Variants in ZDHHC14 observed in about 807,000 individuals in gnomAD.
ZDHHC14 encodes palmitoyltransferase ZDHHC14.
A neutral mutation model predicts 47.7 loss-of-function variants in ZDHHC14; 16 were observed. That is an observed-to-expected ratio of 0.34 (90% CI 0.23 to 0.51). The LOEUF is 0.51. Among genes scored for constraint, ZDHHC14 ranks in the 20% least tolerant of loss-of-function variants. The probability of loss-of-function intolerance (pLI) is 0.97; values close to 1 mark genes in which losing one functional copy is unlikely to be tolerated. For missense variants in ZDHHC14, 515 were observed against 662.5 expected (o/e 0.78, Z 2.44); for synonymous variants, 293 against 278.9 (o/e 1.05, Z -0.50).
intron 2 of ZDHHC14, among the ~76,000 whole-genome samples, chr6:157,564,163 A>C (rs1782815878): frequency 6.6e-6 from 1 of 152,190 alleles, no homozygotes; most frequent in East Asian, 1.9e-4. Flanking sequence ...CCAACCTCAC[A>C]TTCTTCAGTT....
chr6:157,650,596 G>A lies in ZDHHC14; in HGVS notation c.966-2929G>A, dbSNP rs111376122. Among the ~76,000 whole-genome samples, 169 of 151,232 alleles carry A rather than the reference G, an allele frequency of 1.1e-3. 1 individual carries two copies. The highest frequency in any genetic ancestry group is 3.9e-3 in the African/African-American group (160 of 41,132). ...CTTTTGATGACCTAGTTCTTTTTCC[G>A]CTCCTGGATAAAATCCCCTGCAAGC... On this transcript the variant is annotated intron_variant, in intron 7 of 8. Transcript: ENST00000359775.
intron 1 of ZDHHC14, among the ~76,000 whole-genome samples, chr6:157,487,739 T>C (rs1779816398): frequency 6.6e-6 from 1 of 152,180 alleles, no homozygotes; most frequent in African/African-American, 2.4e-5. Context: ...TTTAGTACTA[T>C]TATTATTAGG....
At chr6:157,563,793 G>A (rs1396090773) in intron 2 of ZDHHC14, among the ~76,000 whole-genome samples, 1 of 152,224 alleles carries the variant, frequency 6.6e-6, no homozygotes, top group Non-Finnish European at 1.5e-5. Flanking sequence ...TGAGGCTGTG[G>A]GGCTGCGGTG....
intron 1 of ZDHHC14, among the ~76,000 whole-genome samples, chr6:157,518,522 A>G (rs143256060): frequency 0.011 from 1,674 of 152,310 alleles, 18 homozygotes; most frequent in Non-Finnish European, 0.018. Flanking sequence ...GTAGAAGACC[A>G]GGGAGTGAAT....
At chr6:157,626,422 G>A (rs1307365023) in intron 3 of ZDHHC14, among the ~76,000 whole-genome samples, 1 of 152,126 alleles carries the variant, frequency 6.6e-6, no homozygotes, top group African/African-American at 2.4e-5. Context: ...TGTGCACGTT[G>A]ACACATAGAT....
chr6:157,572,234 C>A (rs1783126040), intron 2 of ZDHHC14, among the ~76,000 whole-genome samples: 1 of 152,046 alleles, frequency 6.6e-6, no homozygotes, highest in East Asian at 1.9e-4. Flanking sequence ...CTGGCCACCA[C>A]CCACTAGGTC....
chr6:157,558,468 C>T (rs1387239853), intron 2 of ZDHHC14, among the ~76,000 whole-genome samples: 1 of 152,188 alleles, frequency 6.6e-6, no homozygotes, highest in Non-Finnish European at 1.5e-5. Flanking sequence ...TGACACCCAG[C>T]TGTTACCAAG....
At chr6:157,422,292 T>G (rs1230609288) in intron 1 of ZDHHC14, among the ~76,000 whole-genome samples, 1 of 152,200 alleles carries the variant, frequency 6.6e-6, no homozygotes, top group East Asian at 1.9e-4. Context: ...GTGCAAGGGT[T>G]GCTGTCAGAG....
chr6:157,395,473 C>T (rs1777502749), intron 1 of ZDHHC14, among the ~76,000 whole-genome samples: 1 of 151,868 alleles, frequency 6.6e-6, no homozygotes, highest in African/African-American at 2.4e-5. Flanking sequence ...GCCTTTCCGT[C>T]TCTATTGTTC....
intron 1 of ZDHHC14, among the ~76,000 whole-genome samples, chr6:157,514,400 G>C (rs1050584071): frequency 3.3e-5 from 5 of 152,216 alleles, no homozygotes; most frequent in Non-Finnish European, 5.9e-5. Flanking sequence ...GCTGTGCAAA[G>C]AGCAAAACTT....
chr6:157,382,939 A>T (rs566919043), intron 1 of ZDHHC14, among the ~76,000 whole-genome samples: 1 of 152,330 alleles, frequency 6.6e-6, no homozygotes, highest in African/African-American at 2.4e-5. Flanking sequence ...CAAAACAAAC[A>T]ATTTGGGAAC....
chr6:157,601,786 G>A (rs1274837804), intron 3 of ZDHHC14, among the ~76,000 whole-genome samples: 3 of 152,194 alleles, frequency 2.0e-5, no homozygotes, highest in Admixed American at 2.0e-4. Flanking sequence ...GTGTGTATGT[G>A]CATGTGTGTA....
At position 157,535,924 on chromosome 6, in the gene ZDHHC14, C is replaced by T. The variant is rs138888515; in HGVS notation, c.246-6661C>T. Among the ~76,000 whole-genome samples the T allele has an allele frequency of 3.9e-5, 6 of 152,240 alleles. No homozygotes were observed. In the East Asian group the frequency reaches 1.2e-3, roughly 29 times the overall value. On this transcript the variant is annotated intron_variant, in intron 1 of 8. Coordinates refer to ENST00000359775, the MANE Select transcript of ZDHHC14 (RefSeq NM_024630.3). ...TCACAAAATGAATGGTGCTTATGTT[C>T]CTGCCTGTAAGTGAAAAGTACCTTT...
intron 1 of ZDHHC14, among the ~76,000 whole-genome samples, chr6:157,511,894 A>G (rs1356852592): frequency 1.3e-5 from 2 of 152,032 alleles, no homozygotes; most frequent in Non-Finnish European, 2.9e-5. Flanking sequence ...GCTTTTAATC[A>G]TGCTGATGAT....
At chr6:157,596,479 G>A (rs1784133790) in intron 3 of ZDHHC14, among the ~76,000 whole-genome samples, 1 of 152,274 alleles carries the variant, frequency 6.6e-6, no homozygotes, top group South Asian at 2.1e-4. Context: ...GTTCAGAAGA[G>A]CAGTTTTCTT....
chr6:157,466,830 T>C (rs1193311395), intron 1 of ZDHHC14, among the ~76,000 whole-genome samples: 2 of 152,040 alleles, frequency 1.3e-5, no homozygotes, highest in Admixed American at 6.6e-5. Context: ...AGTGAGACTC[T>C]TTCTCAAAAA....
chr6:157,475,128 A>G (rs1440786816), intron 1 of ZDHHC14, among the ~76,000 whole-genome samples: 1 of 152,168 alleles, frequency 6.6e-6, no homozygotes, highest in Non-Finnish European at 1.5e-5. Flanking sequence ...AGCATAATTT[A>G]TTGAAGAGAT....
Position 157,590,402 on chromosome 6 carries a change from G to A in ZDHHC14, c.407-2586G>A, listed in dbSNP as rs543418244. On this transcript the variant is annotated intron_variant, in intron 2 of 8. Coordinates refer to ENST00000359775, the MANE Select transcript of ZDHHC14 (RefSeq NM_024630.3). ...GGGCCCCCTGCTGTGTGCAGCCTAT[G>A]GACTCTAACCCAGCCACTCCAGCCA... is the stretch of plus-strand genomic sequence containing the variant. Among the ~76,000 whole-genome samples, 7 of 152,276 alleles carry A rather than the reference G, an allele frequency of 4.6e-5. No homozygotes were observed. In the East Asian group the frequency reaches 1.4e-3, roughly 29 times the overall value.
At chr6:157,410,442 A>C (rs1334976506) in intron 1 of ZDHHC14, among the ~76,000 whole-genome samples, 3 of 152,204 alleles carry the variant, frequency 2.0e-5, no homozygotes, top group Non-Finnish European at 4.4e-5. Flanking sequence ...AAAAAGTAAG[A>C]ATTGATGTGT....
Sources: allele counts gnomAD v4.1 joint callset (sites outside exome capture counted in the v4.1 genomes callset), GRCh38; gene constraint gnomAD v4.1.1; transcripts MANE v1.5; gene names NCBI Gene and HGNC (gene_info 2026-07-23, HGNC 2026-07-21).